Variants in IFT88 observed in about 807,000 individuals in gnomAD.
IFT88 encodes the protein intraflagellar transport protein 88 homolog.
In IFT88, 74 loss-of-function variants were observed where a neutral mutation model predicts 119.5. The observed-to-expected ratio is 0.62, with a 90% CI of 0.51 to 0.75. The LOEUF is 0.75. Among genes scored for constraint, IFT88 ranks in the 30% least tolerant of loss-of-function variants. IFT88 has a pLI of 0.00. For synonymous variants in IFT88, 279 were observed against 316.7 expected, an observed-to-expected ratio of 0.88 and a Z score of 1.26; for missense variants, 961 against 977.7, an observed-to-expected ratio of 0.98 and a Z score of 0.23.
chr13:20,644,102 C>T (rs771946818), intron 19 of IFT88, among the ~76,000 whole-genome samples: 24 of 152,116 alleles, frequency 1.6e-4, no homozygotes, highest in Non-Finnish European at 3.4e-4. Flanking sequence ...CATGGTGGCT[C>T]ACGTCTATAA....
chr13:20,687,780 C>G (rs1022033468), intron 24 of IFT88, among the ~76,000 whole-genome samples: 1 of 151,960 alleles, frequency 6.6e-6, no homozygotes, highest in East Asian at 1.9e-4. Flanking sequence ...AAAAAAACTT[C>G]AAAAATGCAC....
chr13:20,582,950 A>G lies in IFT88; in HGVS notation c.91-7A>G. 6.2e-7 allele frequency: 1 copy of G among 1,609,404 alleles called. No homozygotes were observed. Among genetic ancestry groups the G allele is most frequent in the Non-Finnish European group, 8.5e-7 (1 of 1,176,656 alleles). Reference sequence around the variant, plus strand: ...TGTTGAATGTTAAATTTGCGTTTTCATTTTAGGAATTGGAGAATGATGCAG... The same window carrying G: ...TGTTGAATGTTAAATTTGCGTTTTCGTTTTAGGAATTGGAGAATGATGCAG... On this transcript the variant is annotated splice_polypyrimidine_tract_variant and splice_region_variant and intron_variant, in intron 2 of 25. Transcript: ENST00000351808.
At chr13:20,607,919 T>G (rs2043795986) in intron 13 of IFT88, 3 of 672,404 alleles carry the variant, frequency 4.5e-6, no homozygotes, top group Admixed American at 1.9e-5. Context: ...CTCGGGGTCT[T>G]CCTCTACAAG....
chr13:20,621,190 C>G (rs1236309337), intron 14 of IFT88, among the ~76,000 whole-genome samples: 2 of 152,086 alleles, frequency 1.3e-5, no homozygotes, highest in Non-Finnish European at 2.9e-5. Context: ...CCTCAGCCTC[C>G]CAAGTATCTG....
intron 22 of IFT88, 87 bp from the exon 23 acceptor site, chr13:20,663,411 C>A: frequency 6.4e-7 from 1 of 1,563,664 alleles, no homozygotes; most frequent in Non-Finnish European, 8.6e-7. Context: ...TACCTGTATC[C>A]CAAAAGACTG....
intron 21 of IFT88, among the ~76,000 whole-genome samples, chr13:20,654,990 A>G (rs1222538541): frequency 1.3e-5 from 2 of 152,136 alleles, no homozygotes; most frequent in East Asian, 3.8e-4. Context: ...TCCCTCTTGT[A>G]GAGAGAGGCC....
At chr13:20,581,888 A>G (rs913247247) in intron 2 of IFT88, among the ~76,000 whole-genome samples, 2 of 151,932 alleles carry the variant, frequency 1.3e-5, no homozygotes, top group African/African-American at 4.8e-5. Flanking sequence ...TAAAGTAAAA[A>G]TTAAGAAGAC....
intron 22 of IFT88, chr13:20,663,203 A>G (rs1594759347): frequency 1.5e-6 from 2 of 1,323,778 alleles, no homozygotes; most frequent in East Asian, 8.4e-5. Context: ...AACATTAACA[A>G]ATGTTACATT....
At chr13:20,585,604 T>G (rs1290569303) in intron 3 of IFT88, among the ~76,000 whole-genome samples, 2 of 152,282 alleles carry the variant, frequency 1.3e-5, no homozygotes, top group South Asian at 4.1e-4. Context: ...TTCAGGCTAG[T>G]AACTCCAGAA....
In IFT88 at chr13:20,661,455, G is replaced by T. The variant is rs529086754; in HGVS notation, c.2069-2043G>T. On this transcript the variant is annotated intron_variant, in intron 22 of 25. Transcript: ENST00000351808. ...ACAGTTTATAAAAACTATAAATGCG[G>T]CTGGGTGCGGTGGCACACGCCTGTA... 1.6e-4 allele frequency among the ~76,000 whole-genome samples: 24 copies of T among 152,292 alleles called. No homozygotes were observed. The South Asian group carries it at 5.0e-3, about 32-fold the overall frequency.
intron 24 of IFT88, among the ~76,000 whole-genome samples, chr13:20,677,305 G>C (rs1478458154): frequency 6.6e-6 from 1 of 152,198 alleles, no homozygotes; most frequent in African/African-American, 2.4e-5. Flanking sequence ...GGGGGTGAGG[G>C]TTGAAATCAA....
intron 6 of IFT88, among the ~76,000 whole-genome samples, chr13:20,591,977 A>C (rs963784355): frequency 7.2e-5 from 11 of 152,230 alleles, no homozygotes; most frequent in African/African-American, 2.4e-4. Context: ...TTGGTATGCC[A>C]ATAAGGAAAA....
At chr13:20,591,568 A>G in intron 5 of IFT88, 50 bp from the exon 6 acceptor site, 2 of 1,394,222 alleles carry the variant, frequency 1.4e-6, no homozygotes, top group Non-Finnish European at 2.0e-6. Context: ...AGAACTGTAC[A>G]TAGGAGATAG....
chr13:20,592,441 C>A (rs1239294504), intron 7 of IFT88, 37 bp downstream of exon 7: 4 of 1,461,344 alleles, frequency 2.7e-6, no homozygotes, highest in Non-Finnish European at 3.7e-6. Context: ...GTTGTTGTTG[C>A]TGCATATTTT....
chr13:20,607,456 C>T (rs780109708), intron 13 of IFT88: 2 of 670,084 alleles, frequency 3.0e-6, no homozygotes, highest in South Asian at 1.5e-5. Context: ...TGTCACTCAT[C>T]CCCATCATCA....
At chr13:20,687,022 CAAAAAAAAAAAAAAA>C (rs370247448) in intron 24 of IFT88, among the ~76,000 whole-genome samples, 1 of 59,834 alleles carries the variant, frequency 1.7e-5, no homozygotes, top group Non-Finnish European at 3.6e-5. Flanking sequence ...ACTTTCTTAC[CAAAAAAAAAAAAAAA>C]AAAAAAAAAA....
At chr13:20,591,784 C>T (rs2040732079) in intron 6 of IFT88, 103 bp downstream of exon 6, 3 of 751,276 alleles carry the variant, frequency 4.0e-6, no homozygotes, top group African/African-American at 1.8e-5. Flanking sequence ...TCTAACAATG[C>T]CATTGATTAT....
chr13:20,574,149 A>G (rs753744365), intron 1 of IFT88, among the ~76,000 whole-genome samples: 9 of 152,156 alleles, frequency 5.9e-5, no homozygotes, highest in Non-Finnish European at 8.8e-5. Flanking sequence ...CAACATAGGG[A>G]GATCCCATCT....
chr13:20,660,190 G>T (rs1318302891), intron 22 of IFT88, among the ~76,000 whole-genome samples: 1 of 152,158 alleles, frequency 6.6e-6, no homozygotes, highest in Non-Finnish European at 1.5e-5. Flanking sequence ...TTTGAGACAG[G>T]GTTGTCATGG....
Sources: allele counts gnomAD v4.1 joint callset (sites outside exome capture counted in the v4.1 genomes callset), GRCh38; gene constraint gnomAD v4.1.1; transcripts MANE v1.5; gene names NCBI Gene and HGNC (gene_info 2026-07-23, HGNC 2026-07-21).